The following ADAMTSL1 variants were observed in gnomAD, a reference collection of about 807,000 sequenced individuals.
ADAMTSL1 encodes ADAMTS-like protein 1.
A neutral mutation model predicts 201.8 loss-of-function variants in ADAMTSL1; 126 were observed. That is an observed-to-expected ratio of 0.62 (90% CI 0.54 to 0.72). The LOEUF is 0.72. Ranked by LOEUF, ADAMTSL1 falls within the 30% of genes least tolerant of loss-of-function variation. The pLI, the probability that ADAMTSL1 is intolerant of heterozygous loss-of-function variation, is 0.00. For synonymous variants in ADAMTSL1, 1,121 were observed against 903.4 expected, an observed-to-expected ratio of 1.24 and a Z score of -4.32; for missense variants, 2,679 against 2,277.8, an observed-to-expected ratio of 1.18 and a Z score of -3.59.
chr9:18,646,680 G>A (rs978772399), intron 7 of ADAMTSL1, among the ~76,000 whole-genome samples: 6 of 151,262 alleles, frequency 4.0e-5, no homozygotes, highest in Non-Finnish European at 7.4e-5. Context: ...CTGTTTATAT[G>A]CTGGATTACA....
In ADAMTSL1 at chr9:17,970,471, C is replaced by CACAAGCCTGAGCCACTTGGACAG. The variant is rs1818162313; in HGVS notation, c.87+63549_87+63550insACAAGCCTGAGCCACTTGGACAG. ...GTGTGGAGTACAGGCCTTGTGGTAA[C>CACAAGCCTGAGCCACTTGGACAG]CTAGCCTGAGCCACTTGGACAGCTT... is the stretch of plus-strand genomic sequence containing the variant. On this transcript the variant is annotated intron_variant, in intron 1 of 29. Transcript: ENST00000680146. Among the ~76,000 whole-genome samples, 7 of 152,124 alleles carry CACAAGCCTGAGCCACTTGGACAG rather than the reference C, an allele frequency of 4.6e-5. No individual in the cohort carries two copies. The East Asian group carries it at 9.7e-4, about 21-fold the overall frequency.
intron 2 of ADAMTSL1, among the ~76,000 whole-genome samples, chr9:18,355,934 A>C (rs982985683): frequency 7.9e-5 from 12 of 152,212 alleles, no homozygotes; most frequent in African/African-American, 2.9e-4. Flanking sequence ...GCAGCCAGTG[A>C]CGCCCTGCCT....
chr9:17,981,556 A>T (rs1370133920), intron 1 of ADAMTSL1, among the ~76,000 whole-genome samples: 1 of 152,130 alleles, frequency 6.6e-6, no homozygotes, highest in African/African-American at 2.4e-5. Context: ...TGTTCGAGTG[A>T]GCCATCTTTA....
intron 23 of ADAMTSL1, among the ~76,000 whole-genome samples, chr9:18,879,993 T>C (rs1828427951): frequency 6.6e-6 from 1 of 152,228 alleles, no homozygotes; most frequent in Non-Finnish European, 1.5e-5. Context: ...CAAGAGTAGA[T>C]TCCATCTCAA....
At chr9:17,922,456 A>G (rs1272661332) in intron 1 of ADAMTSL1, among the ~76,000 whole-genome samples, 5 of 152,174 alleles carry the variant, frequency 3.3e-5, no homozygotes, top group Non-Finnish European at 7.4e-5. Flanking sequence ...CTGAGCCTCA[A>G]TCTCAGAGAT....
chr9:18,269,109 G>A (rs1832253453), intron 2 of ADAMTSL1, among the ~76,000 whole-genome samples: 1 of 151,988 alleles, frequency 6.6e-6, no homozygotes, highest in Admixed American at 6.6e-5. Flanking sequence ...TTTTTAGTAA[G>A]CATTTACCTA....
At chr9:18,381,056 TGTTGA>T (rs1480995997) in intron 2 of ADAMTSL1, among the ~76,000 whole-genome samples, 1 of 152,228 alleles carries the variant, frequency 6.6e-6, no homozygotes, top group East Asian at 1.9e-4. Flanking sequence ...TTCTCTAGAC[TGTTGA>T]GTTCTTATTC....
At chr9:18,304,656 T>G (rs1260733723) in intron 2 of ADAMTSL1, among the ~76,000 whole-genome samples, 2 of 152,042 alleles carry the variant, frequency 1.3e-5, no homozygotes, top group African/African-American at 2.4e-5. Flanking sequence ...AACTTTTTTT[T>G]TTTTTAGGAC....
chr9:18,839,221 C>A (rs1454656362), intron 23 of ADAMTSL1, among the ~76,000 whole-genome samples: 1 of 136,028 alleles, frequency 7.4e-6, no homozygotes, highest in Non-Finnish European at 1.5e-5. Context: ...GTGTAATGTT[C>A]CCCTTCCTGT....
intron 1 of ADAMTSL1, among the ~76,000 whole-genome samples, chr9:18,145,937 C>G (rs546895363): frequency 8.5e-5 from 13 of 152,190 alleles, no homozygotes; most frequent in African/African-American, 3.1e-4. Flanking sequence ...TGAATAGACA[C>G]TGCATCAAAG....
intron 3 of ADAMTSL1, among the ~76,000 whole-genome samples, chr9:18,549,621 A>G (rs1286404094): frequency 6.6e-6 from 1 of 151,980 alleles, no homozygotes; most frequent in African/African-American, 2.4e-5. Context: ...TTTCCTAATG[A>G]GTGTCTGGGA....
intron 1 of ADAMTSL1, among the ~76,000 whole-genome samples, chr9:18,026,691 T>C (rs183916416): frequency 6.6e-6 from 1 of 152,108 alleles, no homozygotes; most frequent in East Asian, 1.9e-4. Flanking sequence ...CTTTGACACA[T>C]TTTGGTATCA....
chr9:18,819,686 C>G (rs1169647542), intron 21 of ADAMTSL1, among the ~76,000 whole-genome samples: 1 of 152,212 alleles, frequency 6.6e-6, no homozygotes, highest in Non-Finnish European at 1.5e-5. Flanking sequence ...CTAGTTTTCC[C>G]TGGCTATGAC....
chr9:17,950,096 T>A (rs1221000820), intron 1 of ADAMTSL1, among the ~76,000 whole-genome samples: 2 of 152,090 alleles, frequency 1.3e-5, no homozygotes, highest in Non-Finnish European at 2.9e-5. Flanking sequence ...TTTTTTGTAT[T>A]TTAAGTAGAG....
At chr9:18,249,742 T>C (rs1041339550) in intron 2 of ADAMTSL1, among the ~76,000 whole-genome samples, 2 of 152,226 alleles carry the variant, frequency 1.3e-5, no homozygotes, top group African/African-American at 4.8e-5. Context: ...GCTCCTCATG[T>C]TACTCTCAAC....
chr9:18,858,296 A>AC (rs1250041273), intron 23 of ADAMTSL1, among the ~76,000 whole-genome samples: 17 of 150,946 alleles, frequency 1.1e-4, no homozygotes, highest in Admixed American at 3.3e-4. Context: ...TGCTGCCCCC[A>AC]CCCCCACACA....
chr9:18,096,009 T>G (rs148266220), intron 1 of ADAMTSL1, among the ~76,000 whole-genome samples: 2 of 152,312 alleles, frequency 1.3e-5, no homozygotes, highest in East Asian at 3.9e-4. Flanking sequence ...AACTCTTTCC[T>G]TCATTTCTGG....
intron 2 of ADAMTSL1, among the ~76,000 whole-genome samples, chr9:18,348,492 G>C (rs1190634487): frequency 6.6e-6 from 1 of 152,200 alleles, no homozygotes; most frequent in Non-Finnish European, 1.5e-5. Flanking sequence ...ACATGTAAGT[G>C]AGCAAATGAA....
chr9:18,828,660 T>TTTTTATATATATATA (rs10685537), intron 22 of ADAMTSL1, among the ~76,000 whole-genome samples: 12 of 28,506 alleles, frequency 4.2e-4, no homozygotes, highest in East Asian at 1.2e-3. Context: ...GAAAGTATAT[T>TTTTTATATATATATA]TATATATATA....
Sources: gnomAD v4.1 joint callset for allele counts (sites outside exome capture counted in the v4.1 genomes callset) on GRCh38, gnomAD v4.1.1 for gene constraint, MANE v1.5 for transcripts, NCBI Gene and HGNC (gene_info 2026-07-23, HGNC 2026-07-21) for gene names.